HEXB: variants seen among roughly 807,000 people sequenced by gnomAD.
HEXB encodes hexosaminidase subunit beta.
In HEXB, 51 loss-of-function variants were observed where a neutral mutation model predicts 71.2. That is an observed-to-expected ratio of 0.72 (90% CI 0.57 to 0.90). The LOEUF is 0.90. Ranked by LOEUF, HEXB falls within the 40% of genes least tolerant of loss-of-function variation. HEXB has a pLI of 0.00. For synonymous variants in HEXB, 266 were observed against 249.3 expected, an observed-to-expected ratio of 1.07 and a Z score of -0.63; for missense variants, 617 against 677.0, an observed-to-expected ratio of 0.91 and a Z score of 0.98.
In HEXB at chr5:74,653,419, G is replaced by A. The variant is rs542455318; in HGVS notation, c.-377+12861G>A. Among the ~76,000 whole-genome samples, 26 of 152,258 alleles carry A rather than the reference G, an allele frequency of 1.7e-4. 1 individual carries two copies. Among genetic ancestry groups the A allele is most frequent in the African/African-American group, 3.1e-4 (13 of 41,546 alleles). ...GGCCAAGATGAAGTAGCAGGGAATCGCTTTCTGCTCCCACCTGAAACAACA... is the reference window on the plus strand; with the variant it reads ...GGCCAAGATGAAGTAGCAGGGAATCACTTTCTGCTCCCACCTGAAACAACA... On this transcript the variant is annotated intron_variant, in intron 1 of 13. Transcript: ENST00000511181.
At chr5:74,677,534 A>C (rs820864) in intron 1 of HEXB, among the ~76,000 whole-genome samples, 97,561 of 137,922 alleles carry the variant, frequency 0.71, 34,420 homozygotes, top group Non-Finnish European at 0.75. Flanking sequence ...TCAGAGGTCC[A>C]TGCCAAGTTC....
intron 2 of HEXB, chr5:74,689,793 A>G (rs1263795327): frequency 1.7e-5 from 5 of 297,392 alleles, no homozygotes; most frequent in African/African-American, 1.1e-4. Context: ...TACAAACATG[A>G]TAAGCATTGA....
At chr5:74,660,035 A>G (rs1204080086) in intron 1 of HEXB, among the ~76,000 whole-genome samples, 1 of 152,070 alleles carries the variant, frequency 6.6e-6, no homozygotes, top group Non-Finnish European at 1.5e-5. Flanking sequence ...TTACTCAGCA[A>G]GAAGCAAAGG....
chr5:74,714,808 G>A (rs919489845), intron 7 of HEXB, among the ~76,000 whole-genome samples: 1 of 152,186 alleles, frequency 6.6e-6, no homozygotes, highest in Non-Finnish European at 1.5e-5. Context: ...ATAGTGAGAG[G>A]TAAATCTGGA....
intron 1 of HEXB, among the ~76,000 whole-genome samples, chr5:74,661,708 T>C (rs970131347): frequency 1.2e-4 from 18 of 152,312 alleles, no homozygotes; most frequent in African/African-American, 3.9e-4. Context: ...GCATGACTTA[T>C]ATTTGAAACT....
chr5:74,648,491 T>C (rs112079675), intron 1 of HEXB, among the ~76,000 whole-genome samples: 3,800 of 152,302 alleles, frequency 0.025, 67 homozygotes, highest in Non-Finnish European at 0.036. Context: ...GAAAGAACCA[T>C]GCAACCATTC....
In HEXB at chr5:74,705,284, A is replaced by G. The variant is rs758398934; in HGVS notation, c.735A>G (p.Pro245=). The change falls in exon 6 of 14, where the codon CCA becomes CCG. Residue 245 remains proline (P), a synonymous_variant. Coordinates refer to ENST00000261416, the MANE Select transcript of HEXB (RefSeq NM_000521.4). ...ACATAGTTGATGACCAGTCTTTCCC[A>G]TATCAGAGCATCACTTTTCCTGAGT... The part of the protein sequence containing the change: ...HWHIVDDQSF[P]YQSITFPELS... 1 of 1,609,490 alleles carries G rather than the reference A, an allele frequency of 6.2e-7. No individual in the cohort carries two copies. The highest frequency in any genetic ancestry group is 2.2e-5 in the East Asian group (1 of 44,796).
At chr5:74,667,083 C>A (rs1748445185) in intron 1 of HEXB, among the ~76,000 whole-genome samples, 2 of 152,046 alleles carry the variant, frequency 1.3e-5, no homozygotes, top group African/African-American at 4.8e-5. Flanking sequence ...AATCTGACAC[C>A]ACATTCTGCC....
Position 74,652,233 on chromosome 5 carries a change from A to G in HEXB, c.-377+11675A>G, listed in dbSNP as rs951706899. Among the ~76,000 whole-genome samples, 2 of 152,248 alleles carry G rather than the reference A, an allele frequency of 1.3e-5. No individual in the cohort carries two copies. Among genetic ancestry groups the G allele is most frequent in the African/African-American group, 4.8e-5 (2 of 41,464 alleles). ...ATCCCAGGAGGTAGATACTATCATT[A>G]TCTCCATTTTGCTCATGAGGAAACA... On this transcript the variant is annotated intron_variant, in intron 1 of 13. Transcript: ENST00000511181. The surrounding 1 kb of genome is among the most constrained non-coding windows in gnomAD (Gnocchi z 5.4).
At position 74,664,362 on chromosome 5, in the gene HEXB, T is replaced by C. The variant is rs532359409; in HGVS notation, c.-377+23804T>C. On this transcript the variant is annotated intron_variant, in intron 1 of 13. Coordinates refer to the HEXB transcript ENST00000511181. ...GGGAGGATCACTCAAGCCCAGGAGATGAAGATCAAAGTAGCTATGATCGTG... is the reference window on the plus strand; with the variant it reads ...GGGAGGATCACTCAAGCCCAGGAGACGAAGATCAAAGTAGCTATGATCGTG... Among the ~76,000 whole-genome samples, 15 of 141,848 alleles carry C rather than the reference T, an allele frequency of 1.1e-4. 1 individual carries two copies. The South Asian group carries it at 3.0e-3, about 29-fold the overall frequency. The allele number at this position is 141,848 out of a possible 152,430, so 93.1% of individuals were successfully genotyped here. A position where few individuals can be genotyped will look rare whatever the true frequency, so the allele number is the denominator to read the frequency against.
At chr5:74,707,863 T>G (rs114304054) in intron 6 of HEXB, among the ~76,000 whole-genome samples, 1,608 of 152,280 alleles carry the variant, frequency 0.011, 31 homozygotes, top group African/African-American at 0.037. Flanking sequence ...CAAGTCCTAC[T>G]CTGCAGGATA....
intron 2 of HEXB, among the ~76,000 whole-genome samples, chr5:74,690,739 T>C (rs866209985): frequency 2.0e-5 from 3 of 147,226 alleles, no homozygotes; most frequent in South Asian, 2.2e-4. Flanking sequence ...GCAACTCCAT[T>C]ACCCCCAGAC....
intron 1 of HEXB, among the ~76,000 whole-genome samples, chr5:74,676,902 T>C (rs1748640424): frequency 6.6e-6 from 1 of 152,248 alleles, no homozygotes; most frequent in East Asian, 1.9e-4. Flanking sequence ...TTTTGTTTTG[T>C]TTGAGACGGA....
Position 74,720,482 on chromosome 5 carries a change from A to G in HEXB, c.1472A>G (p.Glu491Gly), listed in dbSNP as rs754180181. The G allele has an allele frequency of 2.5e-5, 41 of 1,613,630 alleles. No individual in the cohort carries two copies. The highest frequency in any genetic ancestry group is 3.5e-5 in the Non-Finnish European group (41 of 1,179,632). Residue 491 changes from glutamate to glycine, a missense_variant, in exon 12 of 14, where the codon GAA becomes GGA. Glu to Gly is a moderately conservative substitution (Grantham distance 98). Transcript: ENST00000261416. ...GGTGGAGAAGCTTGTCTATGGGGAG[A>G]ATATGTGGATGCAACTAACCTCACT... ...FIGGEACLWG[E>G]YVDATNLTPR...
intron 1 of HEXB, among the ~76,000 whole-genome samples, chr5:74,661,597 A>G (rs904321228): frequency 5.0e-5 from 7 of 139,460 alleles, no homozygotes; most frequent in Non-Finnish European, 7.6e-5. Flanking sequence ...CATCTTGCCA[A>G]TGTTGCCTAG....
At chr5:74,660,688 A>G (rs753425267) in intron 1 of HEXB, among the ~76,000 whole-genome samples, 7 of 152,334 alleles carry the variant, frequency 4.6e-5, no homozygotes, top group Non-Finnish European at 1.0e-4. Context: ...ATGCAATCCC[A>G]ATACAAAACT....
At chr5:74,712,014 A>G (rs1749554861) in intron 6 of HEXB, among the ~76,000 whole-genome samples, 1 of 148,028 alleles carries the variant, frequency 6.8e-6, no homozygotes, top group East Asian at 2.0e-4. Context: ...CACAATAGCA[A>G]AGACTTGGAA....
upstream of HEXB, among the ~76,000 whole-genome samples, chr5:74,683,359 A>G (rs1005933349): frequency 2.6e-5 from 4 of 151,520 alleles, no homozygotes; most frequent in African/African-American, 9.7e-5. Flanking sequence ...GCTGGAGTGC[A>G]GTGGTGCAAT....
intron 1 of HEXB, among the ~76,000 whole-genome samples, chr5:74,668,995 C>T (rs760986502): frequency 3.3e-5 from 5 of 152,022 alleles, no homozygotes; most frequent in Admixed American, 6.6e-5. Context: ...GAGTTTTGCT[C>T]TTATTGCCCA....
Sources: allele counts gnomAD v4.1 joint callset (sites outside exome capture counted in the v4.1 genomes callset), GRCh38; gene constraint gnomAD v4.1.1; non-coding constraint Gnocchi (gnomAD v3.1); transcripts MANE v1.5; gene names NCBI Gene and HGNC (gene_info 2026-07-23, HGNC 2026-07-21).